MIA2: variants seen among roughly 807,000 people sequenced by gnomAD.
MIA2 encodes the protein MIA SH3 domain ER export factor 2.
Under a neutral mutation model 167.8 loss-of-function variants are expected in MIA2, and 127 were observed. That is an observed-to-expected ratio of 0.76 (90% confidence interval 0.66 to 0.88). The LOEUF (loss-of-function observed/expected upper bound fraction) is 0.88. Among genes scored for constraint, MIA2 ranks in the 40% least tolerant of loss-of-function variants. MIA2 has a pLI of 0.00. For synonymous variants in MIA2, 552 were observed against 541.9 expected (o/e 1.02, Z -0.26); for missense variants, 1,690 against 1,624.7 (o/e 1.04, Z -0.69).
At chr14:39,343,554 C>T (rs1282757447) in intron 25 of MIA2, among the ~76,000 whole-genome samples, 1 of 152,182 alleles carries the variant, frequency 6.6e-6, no homozygotes, top group Admixed American at 6.5e-5. Context: ...TGCAAAACTG[C>T]TTTAGAATGC....
intron 6 of MIA2, chr14:39,266,455 A>C: frequency 2.0e-6 from 2 of 985,458 alleles, no homozygotes; most frequent in South Asian, 9.4e-5. Flanking sequence ...CGGGGATTTG[A>C]TTTAGCATTT....
chr14:39,344,949 C>CT (rs1257126791), intron 25 of MIA2, among the ~76,000 whole-genome samples: 1 of 152,160 alleles, frequency 6.6e-6, no homozygotes, highest in African/African-American at 2.4e-5. Flanking sequence ...CAAAGGGTGG[C>CT]TGTAGAAGCA....
chr14:39,368,552 C>T (rs1400584859), intron 23 of MIA2, among the ~76,000 whole-genome samples: 1 of 152,000 alleles, frequency 6.6e-6, no homozygotes, highest in African/African-American at 2.4e-5. Flanking sequence ...TGGCTGCCAC[C>T]TTGTGTTAAG....
At position 39,269,074 on chromosome 14, in the gene MIA2, G is replaced by GTTTTTTTGTT. The variant is rs2056605398; in HGVS notation, c.1888-7853_1888-7852insGTTTTTTTTT. The GTTTTTTTGTT allele has an allele frequency of 4.0e-6, 2 of 502,180 alleles. 1 individual carries two copies. The highest frequency in any genetic ancestry group is 4.7e-6 in the Non-Finnish European group (2 of 424,960). 31.1% of individuals were successfully genotyped at this position (502,180 alleles called of 1,614,324 possible). A position where few individuals can be genotyped will look rare whatever the true frequency, so the allele number is the denominator to read the frequency against. ...GGTGCGTTGTATCTTCACCTGCACA[G>GTTTTTTTGTT]TTTTTTTTTTTTTTTTTTTTTTTTT... On this transcript the variant is annotated intron_variant, in intron 6 of 28. Coordinates refer to ENST00000640607, the MANE Select transcript of MIA2 (RefSeq NM_001329214.4).
chr14:39,306,810 A>T (rs1220712464), intron 17 of MIA2, among the ~76,000 whole-genome samples: 1 of 152,072 alleles, frequency 6.6e-6, no homozygotes, highest in Non-Finnish European at 1.5e-5. Flanking sequence ...AGAGGAGTTG[A>T]GGTTATTATC....
chr14:39,295,061 G>T, intron 13 of MIA2, 32 bp downstream of exon 13: 1 of 1,381,924 alleles, frequency 7.2e-7, no homozygotes, highest in Non-Finnish European at 1.0e-6. Flanking sequence ...TTCAACTTGT[G>T]AATATGTAAT....
In MIA2 at chr14:39,350,140, C is replaced by T. The variant is rs193112987; in HGVS notation, c.4115C>T (p.Pro1372Leu). The T allele has an allele frequency of 1.6e-5, 22 of 1,385,286 alleles. No homozygotes were observed. The East Asian group carries it at 5.4e-4, about 34-fold the overall frequency. The allele number at this position is 1,385,286 out of a possible 1,614,324, so 85.8% of individuals were successfully genotyped here. A position where few individuals can be genotyped will look rare whatever the true frequency, so the allele number is the denominator to read the frequency against. The change falls in exon 29 of 29, where the codon CCC becomes CTC. Residue 1372 changes from proline (P) to leucine (L), a missense_variant. Physicochemically the swap from Pro to Leu is moderately conservative, Grantham distance 98 (BLOSUM62 -3). Coordinates refer to ENST00000640607, the MANE Select transcript of MIA2 (RefSeq NM_001329214.4). The part of the protein sequence containing the change: ...YPPRGFPPYL[P>L]PRPGFFPPPP... ...CCGAGGGGTTTTCCTCCTTACCTTC[C>T]CCCAAGACCTGGATTTTTCCCCCCA...
intron 6 of MIA2, among the ~76,000 whole-genome samples, chr14:39,256,308 C>T (rs1007851933): frequency 6.6e-6 from 1 of 152,032 alleles, no homozygotes; most frequent in East Asian, 1.9e-4. Flanking sequence ...CTATTAAGCA[C>T]CCATAGTATA....
intron 23 of MIA2, among the ~76,000 whole-genome samples, chr14:39,377,596 A>G (rs998208371): frequency 1.3e-5 from 2 of 152,242 alleles, no homozygotes; most frequent in Non-Finnish European, 2.9e-5. Context: ...CAGGTATACT[A>G]TAATTTAATT....
At chr14:39,299,775 C>T in intron 13 of MIA2, 89 bp from the exon 14 acceptor site, 1 of 1,396,044 alleles carries the variant, frequency 7.2e-7, no homozygotes, top group Non-Finnish European at 9.4e-7. Flanking sequence ...CCATGTTTTT[C>T]TTTTTTAAGT....
At chr14:39,377,825 T>C (rs1461595724) in intron 23 of MIA2, among the ~76,000 whole-genome samples, 1 of 152,190 alleles carries the variant, frequency 6.6e-6, no homozygotes, top group Non-Finnish European at 1.5e-5. Context: ...ATTTAGACTT[T>C]CTTAAAAGCC....
At chr14:39,286,908 T>C (rs1333606308) in intron 9 of MIA2, among the ~76,000 whole-genome samples, 1 of 151,266 alleles carries the variant, frequency 6.6e-6, no homozygotes, top group Non-Finnish European at 1.5e-5. Context: ...TATTTTTTGG[T>C]AGAGACAGGG....
chr14:39,248,765 G>A (rs1566597033), intron 4 of MIA2, among the ~76,000 whole-genome samples: 2 of 151,508 alleles, frequency 1.3e-5, no homozygotes, highest in Admixed American at 6.6e-5. Flanking sequence ...TTCCAGACAG[G>A]GTCTCACTTT....
At chr14:39,267,262 G>A (rs1268540869) in intron 6 of MIA2, 5 of 1,419,662 alleles carry the variant, frequency 3.5e-6, no homozygotes, top group Middle Eastern at 2.6e-4. Context: ...CAAGAGGGTC[G>A]GGATGGGCAG....
intron 25 of MIA2, among the ~76,000 whole-genome samples, chr14:39,336,762 T>G (rs1009947227): frequency 4.6e-5 from 7 of 152,300 alleles, no homozygotes; most frequent in African/African-American, 1.7e-4. Context: ...AAAAATTTTT[T>G]TAGAGACAGG....
intron 23 of MIA2, among the ~76,000 whole-genome samples, chr14:39,365,567 G>C (rs1353878070): frequency 6.6e-6 from 1 of 152,036 alleles, no homozygotes; most frequent in African/African-American, 2.4e-5. Context: ...GGTTGATCTA[G>C]TCTGTTGTTG....
At chr14:39,293,404 G>A in intron 11 of MIA2, 23 bp downstream of exon 11, 2 of 1,413,818 alleles carry the variant, frequency 1.4e-6, no homozygotes, top group Non-Finnish European at 2.0e-6. Context: ...TATTTGAGGA[G>A]AATATAAGAA....
chr14:39,355,796 A>G (rs897925850), downstream of MIA2, among the ~76,000 whole-genome samples: 2 of 152,218 alleles, frequency 1.3e-5, no homozygotes, highest in African/African-American at 4.8e-5. Context: ...CCTTTTCTGC[A>G]TCTATTGAGA....
intron 6 of MIA2, chr14:39,267,645 G>T: frequency 2.6e-6 from 3 of 1,157,580 alleles, no homozygotes; most frequent in South Asian, 1.4e-5. Flanking sequence ...GCCAGTCCTC[G>T]TCTGCTGCCC....
Sources: allele counts gnomAD v4.1 joint callset (sites outside exome capture counted in the v4.1 genomes callset), GRCh38; gene constraint gnomAD v4.1.1; transcripts MANE v1.5; gene names NCBI Gene and HGNC (gene_info 2026-07-23, HGNC 2026-07-21).